Variants in FAM187A observed in about 807,000 individuals in gnomAD.
The protein encoded by FAM187A is family with sequence similarity 187 member A, also known as Ig-like V-type domain-containing protein FAM187A.
A neutral mutation model predicts 6.4 loss-of-function variants in FAM187A; 4 were observed. That is an observed-to-expected ratio of 0.63 (90% confidence interval 0.31 to 1.44). The LOEUF (loss-of-function observed/expected upper bound fraction) is 1.44, where lower values mean the gene tolerates loss of function less well. FAM187A is among the 40% of genes most tolerant of loss of function. The pLI, the probability that FAM187A is intolerant of heterozygous loss-of-function variation, is 0.07. For missense variants in FAM187A, 463 were observed against 542.2 expected, an observed-to-expected ratio of 0.85 and a Z score of 1.45; for synonymous variants, 221 against 213.4, an observed-to-expected ratio of 1.04 and a Z score of -0.31.
exon 4 of FAM187A, chr17:44,904,289 G>A (rs1452161636): frequency 6.5e-7 from 1 of 1,548,956 alleles, no homozygotes; most frequent in East Asian, 2.4e-5. Context: ...CCAGGACAAG[G>A]GCCAGGAGCC....
exon 4 of FAM187A, chr17:44,903,460 G>T: frequency 7.9e-7 from 1 of 1,260,420 alleles, no homozygotes; most frequent in Non-Finnish European, 1.0e-6. Context: ...GGCAGGGCAG[G>T]GCCTGGAGCA....
chr17:44,904,172 G>A, exon 4 of FAM187A: 3 of 1,550,388 alleles, frequency 1.9e-6, no homozygotes, highest in South Asian at 2.4e-5. Flanking sequence ...GGTTTTCAGG[G>A]CTCAGTCTGA....
At chr17:44,904,922 T>C (rs1204976711) in exon 4 of FAM187A, 1 of 1,550,636 alleles carries the variant, frequency 6.4e-7, no homozygotes, top group Admixed American at 2.0e-5. Flanking sequence ...TCATGGGCAC[T>C]ACCCAGCCTC....
At chr17:44,904,082 C>T (rs772187555) in exon 4 of FAM187A, 47 of 1,550,484 alleles carry the variant, frequency 3.0e-5, no homozygotes, top group African/African-American at 8.2e-5. Flanking sequence ...CTTTGATGGG[C>T]GGGTGCTGAC....
rs768683013 is a variant in FAM187A, at chr17:44,904,790, A to AGG, written c.963_964dup (p.Val322GlyfsTer31). The AGG allele has an allele frequency of 6.4e-7, 1 of 1,550,544 alleles. No homozygotes were observed. Among genetic ancestry groups the AGG allele is most frequent in the Non-Finnish European group, 8.7e-7 (1 of 1,147,006 alleles). On this transcript the variant is annotated frameshift_variant, in exon 4 of 4. Transcript: ENST00000331733. LOFTEE classifies it low-confidence loss of function (END_TRUNC). The stretch of plus-strand genomic sequence containing the variant: ...CCTGAAGGGTGTCAACAGGTCCATG[A>AGG]GGGTGTTCATTGACCACGGCAACCA...
chr17:44,904,127 C>T (rs1304206886), exon 4 of FAM187A: 2 of 1,550,544 alleles, frequency 1.3e-6, no homozygotes, highest in Non-Finnish European at 1.7e-6. Context: ...CAGCGACATG[C>T]TGACCCGCTT....
exon 4 of FAM187A, chr17:44,905,374 A>C: frequency 2.7e-6 from 1 of 366,524 alleles, no homozygotes; most frequent in East Asian, 5.9e-5. Flanking sequence ...GTAAACACTG[A>C]TCAGTGTTGA....
chr17:44,904,659 A>C lies in FAM187A; in HGVS notation c.830A>C (p.His277Pro), dbSNP rs769540429. 1.7e-5 allele frequency: 26 copies of C among 1,550,488 alleles called. No homozygotes were observed. In the South Asian group the frequency reaches 3.0e-4, roughly 18 times the overall value. Reference sequence around the variant, plus strand: ...GTGCCCCAGGTGCCCATTCAGTTCCACCAGCAGAGACTGGGCCATGGACTC... The same window carrying C: ...GTGCCCCAGGTGCCCATTCAGTTCCCCCAGCAGAGACTGGGCCATGGACTC... Residue 277 changes from histidine (H) to proline (P), a missense_variant, in exon 4 of 4, where the codon CAC (histidine) becomes CCC (proline). Physicochemically the swap from His to Pro is moderately conservative, Grantham distance 77. Transcript: ENST00000331733.
chr17:44,905,108 A>T, exon 4 of FAM187A: 1 of 1,456,544 alleles, frequency 6.9e-7, no homozygotes, highest in Non-Finnish European at 9.3e-7. Flanking sequence ...TTGTCCTTCA[A>T]TGTGTTTGTT....
At position 44,904,603 on chromosome 17, in the gene FAM187A, CTA is replaced by C. The variant is rs1326979621; in HGVS notation, c.776_777del (p.Tyr259CysfsTer66). On this transcript the variant is annotated frameshift_variant, in exon 4 of 4. Transcript: ENST00000331733. LOFTEE classifies it high-confidence loss of function. ...GGGAGGGCGTGCTGGCCATCATTAA[CTA>C]TGTGTCCAAAGTGGGCAGCCGGCCC... 52 of 1,550,494 alleles carry C rather than the reference CTA, an allele frequency of 3.4e-5. No homozygotes were observed. The highest frequency in any genetic ancestry group is 4.3e-5 in the Non-Finnish European group (49 of 1,147,014).
At chr17:44,903,895 G>A (rs1242580045) in exon 4 of FAM187A, 1 of 1,550,540 alleles carries the variant, frequency 6.4e-7, no homozygotes, top group Non-Finnish European at 8.7e-7. Flanking sequence ...AAATTGTGGA[G>A]AAGGAAAACA....
exon 4 of FAM187A, chr17:44,904,631 T>C: frequency 1.3e-6 from 2 of 1,550,578 alleles, no homozygotes; most frequent in Non-Finnish European, 1.7e-6. Flanking sequence ...CAGCCGGCCC[T>C]GGGTGCCCCA....
exon 4 of FAM187A, chr17:44,904,349 G>A: frequency 6.5e-7 from 1 of 1,542,740 alleles, no homozygotes; most frequent in African/African-American, 1.4e-5. Context: ...CACCTTCTGG[G>A]AATGGACCCC....
exon 4 of FAM187A, chr17:44,904,947 A>C (rs1567768191): frequency 6.4e-7 from 1 of 1,550,668 alleles, no homozygotes; most frequent in Non-Finnish European, 8.7e-7. Context: ...TCAGATCCTG[A>C]GACTCGCTCG....
chr17:44,903,655 T>C (rs1214764472), exon 4 of FAM187A: 22 of 1,433,454 alleles, frequency 1.5e-5, no homozygotes, highest in Non-Finnish European at 2.0e-5. Context: ...GTACATCCAC[T>C]GGGAATAAAT....
chr17:44,903,529 T>C, exon 4 of FAM187A: 1 of 1,321,346 alleles, frequency 7.6e-7, no homozygotes, highest in Non-Finnish European at 9.6e-7. Flanking sequence ...TCCGGTTTCC[T>C]TTGACCCATT....
exon 4 of FAM187A, chr17:44,904,632 GGGTGCCCCA>G (rs1264238509): frequency 6.4e-7 from 1 of 1,550,574 alleles, no homozygotes. Flanking sequence ...AGCCGGCCCT[GGGTGCCCCA>G]GGTGCCCATT....
chr17:44,903,972 G>A, exon 4 of FAM187A: 1 of 1,550,628 alleles, frequency 6.4e-7, no homozygotes, highest in Non-Finnish European at 8.7e-7. Context: ...GCCGACATGA[G>A]CTTTGAGCTT....
chr17:44,905,114 T>C, exon 4 of FAM187A: 1 of 1,423,656 alleles, frequency 7.0e-7, no homozygotes, highest in Non-Finnish European at 9.5e-7. Flanking sequence ...TTCAATGTGT[T>C]TGTTAAATGA....
Sources: gnomAD v4.1 joint callset for allele counts on GRCh38, gnomAD v4.1.1 for gene constraint, MANE v1.5 for transcripts, NCBI Gene and HGNC (gene_info 2026-07-23, HGNC 2026-07-21) for gene names.